The following TNNI3K variants were observed in gnomAD, a reference collection of about 807,000 sequenced individuals.
TNNI3K encodes TNNI3 interacting kinase, also known as serine/threonine-protein kinase TNNI3K.
Under a neutral mutation model 114.5 loss-of-function variants are expected in TNNI3K, and 140 were observed. The ratio of observed to expected loss-of-function variants is 1.22; its 90% confidence interval spans 1.07 to 1.41. The LOEUF (loss-of-function observed/expected upper bound fraction) is 1.41. TNNI3K is among the 40% of genes most tolerant of loss of function. The pLI, the probability that TNNI3K is intolerant of heterozygous loss-of-function variation, is 0.00. For missense variants in TNNI3K, 1,125 were observed against 1,007.6 expected (o/e 1.12, Z -1.58); for synonymous variants, 347 against 347.5 (o/e 1.00, Z 0.02).
intron 20 of TNNI3K, among the ~76,000 whole-genome samples, chr1:74,443,236 A>C (rs961977916): frequency 1.3e-5 from 2 of 152,112 alleles, no homozygotes; most frequent in African/African-American, 2.4e-5. Context: ...GGTTTTTTGA[A>C]AAAATTAATA....
chr1:74,486,199 TAAAG>T (rs1176159306), intron 21 of TNNI3K, among the ~76,000 whole-genome samples: 2 of 57,764 alleles, frequency 3.5e-5, no homozygotes, highest in Non-Finnish European at 8.3e-5. Context: ...CTAAATGCTA[TAAAG>T]AGAGAGAGAG....
chr1:74,369,144 T>G (rs933853510), intron 14 of TNNI3K, 30 bp downstream of exon 14: 1 of 1,597,228 alleles, frequency 6.3e-7, no homozygotes, highest in Admixed American at 1.7e-5. Flanking sequence ...TAAATAAAGG[T>G]CCGGTTTAGT....
At chr1:74,417,377 C>G (rs1049468231) in intron 17 of TNNI3K, among the ~76,000 whole-genome samples, 9 of 152,092 alleles carry the variant, frequency 5.9e-5, no homozygotes, top group Non-Finnish European at 1.2e-4. Context: ...CCCATGTCCT[C>G]AAGAAGTGGG....
intron 2 of TNNI3K, chr1:74,240,402 A>G (rs1486134013): frequency 6.6e-6 from 1 of 152,380 alleles, no homozygotes; most frequent in Non-Finnish European, 1.5e-5. Context: ...CTCTGAAGTA[A>G]GTGTTGCAAT....
intron 23 of TNNI3K, among the ~76,000 whole-genome samples, chr1:74,538,451 G>C (rs1467744897): frequency 6.6e-6 from 1 of 152,126 alleles, no homozygotes; most frequent in African/African-American, 2.4e-5. Context: ...GCACTGTTCT[G>C]AGTGTTGAAG....
chr1:74,280,058 G>A (rs1173028548), intron 5 of TNNI3K, among the ~76,000 whole-genome samples: 7 of 146,396 alleles, frequency 4.8e-5, no homozygotes, highest in Admixed American at 4.1e-4. Context: ...ATCAGGTGAT[G>A]ATCACAGTGC....
At chr1:74,529,592 G>A (rs1459900682) in intron 23 of TNNI3K, among the ~76,000 whole-genome samples, 2 of 152,192 alleles carry the variant, frequency 1.3e-5, no homozygotes, top group Non-Finnish European at 2.9e-5. Context: ...GTAGATGGAA[G>A]AATCAAATGA....
intron 23 of TNNI3K, among the ~76,000 whole-genome samples, chr1:74,514,277 A>G (rs1418632632): frequency 1.3e-5 from 2 of 152,162 alleles, no homozygotes; most frequent in Non-Finnish European, 2.9e-5. Context: ...AAGCGTTTTC[A>G]CACAATTCTA....
chr1:74,389,985 A>G (rs563097778), intron 17 of TNNI3K, among the ~76,000 whole-genome samples: 1 of 152,302 alleles, frequency 6.6e-6, no homozygotes, highest in Non-Finnish European at 1.5e-5. Flanking sequence ...AGTTACCTTA[A>G]AAAATCTAGG....
intron 23 of TNNI3K, among the ~76,000 whole-genome samples, chr1:74,520,754 C>T (rs1360507181): frequency 1.3e-5 from 2 of 151,974 alleles, no homozygotes; most frequent in East Asian, 1.9e-4. Flanking sequence ...GTCTATGTGG[C>T]GGTGATAAAG....
chr1:74,486,201 A>AAGAGAG (rs58506314), intron 21 of TNNI3K, among the ~76,000 whole-genome samples: 2,390 of 136,480 alleles, frequency 0.018, 53 homozygotes, highest in East Asian at 0.084. Flanking sequence ...AAATGCTATA[A>AAGAGAG]AGAGAGAGAG....
At chr1:74,527,173 G>A (rs549006426) in intron 23 of TNNI3K, among the ~76,000 whole-genome samples, 17 of 152,288 alleles carry the variant, frequency 1.1e-4, no homozygotes, top group East Asian at 3.9e-4. Flanking sequence ...TTACTAGCCC[G>A]TGCCAGGTGC....
chr1:74,331,917 G>C (rs1660224189), intron 6 of TNNI3K, among the ~76,000 whole-genome samples: 1 of 152,108 alleles, frequency 6.6e-6, no homozygotes, highest in African/African-American at 2.4e-5. Flanking sequence ...TAACCTCATA[G>C]GGTTGCTGTT....
intron 5 of TNNI3K, among the ~76,000 whole-genome samples, chr1:74,321,175 A>G (rs1570462852): frequency 6.6e-6 from 1 of 152,198 alleles, no homozygotes; most frequent in East Asian, 1.9e-4. Context: ...CAGGGACTTT[A>G]AAATAAGAGC....
chr1:74,256,178 C>A (rs1655283404), intron 4 of TNNI3K, among the ~76,000 whole-genome samples: 1 of 150,132 alleles, frequency 6.7e-6, no homozygotes, highest in African/African-American at 2.4e-5. Flanking sequence ...TTATGAGAAA[C>A]TAACAAACTT....
Position 74,332,140 on chromosome 1 carries a change from A to T in TNNI3K, c.543+592A>T, listed in dbSNP as rs1660235249. On this transcript the variant is annotated intron_variant, in intron 6 of 24. Transcript: ENST00000326637. ...ATATAGAAACTTTAAAGTTTTTAACATACTTTTGTTCAATACATGATTTTT... is the reference window on the plus strand; with the variant it reads ...ATATAGAAACTTTAAAGTTTTTAACTTACTTTTGTTCAATACATGATTTTT... 2.0e-5 allele frequency among the ~76,000 whole-genome samples: 3 copies of T among 152,078 alleles called. No homozygotes were observed. The South Asian group carries it at 6.2e-4, about 31-fold the overall frequency.
intron 23 of TNNI3K, among the ~76,000 whole-genome samples, chr1:74,513,876 C>A (rs1646305750): frequency 6.6e-6 from 1 of 152,166 alleles, no homozygotes; most frequent in Non-Finnish European, 1.5e-5. Flanking sequence ...TTTCAAGAAG[C>A]CACAACCGCA....
At chr1:74,525,031 G>A (rs1646485541) in intron 23 of TNNI3K, among the ~76,000 whole-genome samples, 1 of 152,176 alleles carries the variant, frequency 6.6e-6, no homozygotes, top group Non-Finnish European at 1.5e-5. Flanking sequence ...TGGGCTATGA[G>A]CTGGACACTG....
chr1:74,366,255 T>A (rs1251061991), intron 11 of TNNI3K, among the ~76,000 whole-genome samples: 6 of 152,190 alleles, frequency 3.9e-5, no homozygotes, highest in Admixed American at 6.6e-5. Flanking sequence ...TATGGCAACA[T>A]CTTTAAGGTT....
Sources: allele counts gnomAD v4.1 joint callset (sites outside exome capture counted in the v4.1 genomes callset), GRCh38; gene constraint gnomAD v4.1.1; transcripts MANE v1.5; gene names NCBI Gene and HGNC (gene_info 2026-07-23, HGNC 2026-07-21).